RNF169: variants seen among roughly 807,000 people sequenced by gnomAD.
RNF169 encodes the protein ring finger protein 169, also known as E3 ubiquitin-protein ligase RNF169.
In RNF169, 24 loss-of-function variants were observed where a neutral mutation model predicts 53.9. The observed-to-expected ratio is 0.45, with a 90% CI of 0.32 to 0.63. RNF169 has a LOEUF of 0.63. RNF169 is among the 20% of genes least tolerant of loss of function. RNF169 has a pLI of 0.04. For synonymous variants in RNF169, 396 were observed against 363.5 expected (o/e 1.09, Z -1.02); for missense variants, 883 against 906.2 (o/e 0.97, Z 0.33).
chr11:74,831,507 CA>C (rs2036177348), intron 4 of RNF169: 1 of 152,108 alleles, frequency 6.6e-6, no homozygotes, highest in Non-Finnish European at 1.5e-5. Flanking sequence ...TCTAACTAAG[CA>C]AAAGACTTCC....
Position 74,836,746 on chromosome 11 carries a change from TA to T in RNF169, c.*17del. The T allele has an allele frequency of 6.4e-7, 1 of 1,572,592 alleles. No homozygotes were observed. The highest frequency in any genetic ancestry group is 8.6e-7 in the Non-Finnish European group (1 of 1,158,302). On this transcript the variant is annotated 3_prime_UTR_variant, in exon 6 of 6. Transcript: ENST00000299563. ...GGCCAAGTAGCACCTAATGAAGTGT[TA>T]CCTATTTTTAAAAGGTCTTAGGCCT... is the stretch of plus-strand genomic sequence containing the variant.
chr11:74,825,888 G>A (rs1437923264), intron 4 of RNF169, among the ~76,000 whole-genome samples: 1 of 152,136 alleles, frequency 6.6e-6, no homozygotes, highest in African/African-American at 2.4e-5. Flanking sequence ...ATAAAGAAAA[G>A]AAGTTTAATT....
chr11:74,824,201 T>G (rs1235042505), intron 4 of RNF169, among the ~76,000 whole-genome samples: 1 of 151,998 alleles, frequency 6.6e-6, no homozygotes, highest in East Asian at 1.9e-4. Flanking sequence ...AGTAAAGAGA[T>G]AAAATTATAA....
At chr11:74,783,995 G>A (rs2035453559) in intron 1 of RNF169, among the ~76,000 whole-genome samples, 2 of 152,194 alleles carry the variant, frequency 1.3e-5, no homozygotes, top group Admixed American at 1.3e-4. Flanking sequence ...TTAAAAGGGG[G>A]AGATCTTCAT....
At chr11:74,784,659 C>T (rs1046354365) in intron 1 of RNF169, among the ~76,000 whole-genome samples, 7 of 152,188 alleles carry the variant, frequency 4.6e-5, no homozygotes, top group African/African-American at 1.4e-4. Context: ...CACCCTCTAC[C>T]TAGCATGTGC....
At chr11:74,834,827 C>T (rs192754143) in intron 5 of RNF169, 52 bp downstream of exon 5, 7 of 1,198,050 alleles carry the variant, frequency 5.8e-6, no homozygotes, top group South Asian at 1.3e-5. Context: ...CCCATCACCC[C>T]CTCTGCACAT....
intron 2 of RNF169, among the ~76,000 whole-genome samples, chr11:74,799,524 C>T (rs751797598): frequency 1.4e-4 from 22 of 152,040 alleles, no homozygotes; most frequent in Non-Finnish European, 2.6e-4. Context: ...TGCTGTTTTT[C>T]CTCGTCTTAT....
chr11:74,812,712 C>T (rs2035890476), intron 3 of RNF169, among the ~76,000 whole-genome samples: 1 of 152,058 alleles, frequency 6.6e-6, no homozygotes, highest in Non-Finnish European at 1.5e-5. Flanking sequence ...CAAATTGAGA[C>T]CCAAAAGAAT....
Position 74,840,712 on chromosome 11 carries a change from C to T in RNF169, c.*3982C>T, listed in dbSNP as rs2135169147. Reference sequence around the variant, plus strand: ...AGAAAAGAGAACAAAGGCTGGGTCACAGTCATAGAATGTTACAGCTGGAAT... The same window carrying T: ...AGAAAAGAGAACAAAGGCTGGGTCATAGTCATAGAATGTTACAGCTGGAAT... On this transcript the variant is annotated 3_prime_UTR_variant, in exon 6 of 6. Transcript: ENST00000299563. 6.6e-6 allele frequency: 1 copy of T among 151,448 alleles called. No individual in the cohort carries two copies. Among genetic ancestry groups the T allele is most frequent in the Non-Finnish European group, 1.5e-5 (1 of 67,920 alleles). The allele number at this position is 151,448 out of a possible 1,614,324, so 9.4% of individuals were successfully genotyped here.
In RNF169 at chr11:74,748,931, C is replaced by T. The variant is rs949736672; in HGVS notation, c.51C>T (p.Ala17=). ...STRASSAAAA[A]ALSRRGRRGR... The stretch of plus-strand genomic sequence containing the variant: ...GGGCCTCTTCCGCGGCGGCAGCAGC[C>T]GCTCTGAGTCGGCGGGGCCGGCGGG... Residue 17 remains alanine, a synonymous_variant, in exon 1 of 6, where the codon GCC becomes GCT. Transcript: ENST00000299563. 6.2e-6 allele frequency: 9 copies of T among 1,458,284 alleles called. No individual in the cohort carries two copies. Among genetic ancestry groups the T allele is most frequent in the African/African-American group, 4.4e-5 (3 of 67,702 alleles). The allele number at this position is 1,458,284 out of a possible 1,614,324, so 90.3% of individuals were successfully genotyped here. A position where few individuals can be genotyped will look rare whatever the true frequency, so the allele number is the denominator to read the frequency against.
intron 1 of RNF169, among the ~76,000 whole-genome samples, chr11:74,777,737 T>G (rs1190287051): frequency 3.3e-5 from 5 of 152,092 alleles, no homozygotes; most frequent in Non-Finnish European, 7.4e-5. Flanking sequence ...AGCCTTGACC[T>G]TCCGCCTTAG....
At chr11:74,753,520 T>G (rs554165452) in intron 1 of RNF169, among the ~76,000 whole-genome samples, 60 of 152,326 alleles carry the variant, frequency 3.9e-4, no homozygotes, top group African/African-American at 1.4e-3. Flanking sequence ...ACAAAAGTAA[T>G]TATGGTTTTT....
chr11:74,793,484 C>G (rs2035607509), intron 2 of RNF169, among the ~76,000 whole-genome samples: 1 of 152,094 alleles, frequency 6.6e-6, no homozygotes, highest in Non-Finnish European at 1.5e-5. Context: ...ATTTTTATTC[C>G]TCTAATTCTA....
At chr11:74,781,141 T>C (rs926185213) in intron 1 of RNF169, among the ~76,000 whole-genome samples, 4 of 152,258 alleles carry the variant, frequency 2.6e-5, no homozygotes, top group African/African-American at 9.6e-5. Flanking sequence ...TCAAGGAAGA[T>C]AGGCTCGGGA....
intron 1 of RNF169, among the ~76,000 whole-genome samples, chr11:74,763,160 G>T (rs1752610387): frequency 6.6e-6 from 1 of 152,132 alleles, no homozygotes; most frequent in Non-Finnish European, 1.5e-5. Context: ...CTTACATTTG[G>T]GAACTGGGTT....
Position 74,836,459 on chromosome 11 carries a change from G to T in RNF169, c.1856G>T (p.Arg619Leu), listed in dbSNP as rs200124433. 7 of 1,614,148 alleles carry T rather than the reference G, an allele frequency of 4.3e-6. No individual in the cohort carries two copies. In the South Asian group the frequency reaches 5.5e-5, roughly 13 times the overall value. ...SLSEEPLPSL[R>L]RGRKRHCKTK... ...AGTGAAGAGCCACTTCCTTCTTTGC[G>T]TCGAGGCCGGAAAAGACACTGCAAG... The change falls in exon 6 of 6, where the codon CGT becomes CTT. Residue 619 changes from arginine (R) to leucine (L), a missense_variant. Coordinates refer to ENST00000299563, the MANE Select transcript of RNF169 (RefSeq NM_001098638.2).
At position 74,774,223 on chromosome 11, in the gene RNF169, G is replaced by A. The variant is rs932584912; in HGVS notation, c.503-15403G>A. Among the ~76,000 whole-genome samples, 170 of 152,030 alleles carry A rather than the reference G, an allele frequency of 1.1e-3. 1 individual carries two copies. The highest frequency in any genetic ancestry group is 3.9e-3 in the African/African-American group (163 of 41,462). Reference sequence around the variant, plus strand: ...TAGCCAGGCATGGTGGCACATGCCTGTAATCCCGGCTGCTCAGGAGGCTGA... The same window carrying A: ...TAGCCAGGCATGGTGGCACATGCCTATAATCCCGGCTGCTCAGGAGGCTGA... On this transcript the variant is annotated intron_variant, in intron 1 of 5. Coordinates refer to ENST00000299563, the MANE Select transcript of RNF169 (RefSeq NM_001098638.2).
intron 2 of RNF169, among the ~76,000 whole-genome samples, chr11:74,804,255 T>C (rs1181189816): frequency 6.6e-6 from 1 of 152,186 alleles, no homozygotes; most frequent in African/African-American, 2.4e-5. Context: ...GTTCCCATCT[T>C]ATGCCCGGAG....
intron 4 of RNF169, among the ~76,000 whole-genome samples, chr11:74,824,814 A>G (rs1428745813): frequency 1.3e-5 from 2 of 152,136 alleles, no homozygotes; most frequent in Non-Finnish European, 2.9e-5. Flanking sequence ...CAGGACAAAA[A>G]AGAAAGGGTT....
Sources: allele counts gnomAD v4.1 joint callset (sites outside exome capture counted in the v4.1 genomes callset), GRCh38; gene constraint gnomAD v4.1.1; transcripts MANE v1.5; gene names NCBI Gene and HGNC (gene_info 2026-07-23, HGNC 2026-07-21).